The following EDN1 variants were observed in gnomAD, a reference collection of about 807,000 sequenced individuals.
The protein encoded by EDN1 is endothelin 1.
In EDN1, 11 loss-of-function variants were observed where a neutral mutation model predicts 21.7. The observed-to-expected ratio is 0.51, with a 90% CI of 0.32 to 0.84. The LOEUF (loss-of-function observed/expected upper bound fraction) is 0.84, where lower values mean the gene tolerates loss of function less well. EDN1 is among the 40% of genes least tolerant of loss of function. The pLI, the probability that EDN1 is intolerant of heterozygous loss-of-function variation, is 0.03. For synonymous variants in EDN1, 85 were observed against 90.6 expected (o/e 0.94, Z 0.35); for missense variants, 244 against 262.3 (o/e 0.93, Z 0.48).
chr6:12,284,775 G>GAAAGAA, the EDN1 span, among the ~76,000 whole-genome samples: 1 of 151,694 alleles, frequency 6.6e-6, no homozygotes, highest in Non-Finnish European at 1.5e-5. Flanking sequence ...AAGAAAGAAA[G>GAAAGAA]AAAGAAAGAA....
the EDN1 span, among the ~76,000 whole-genome samples, chr6:12,280,383 T>C: frequency 6.6e-6 from 1 of 152,356 alleles, no homozygotes; most frequent in Non-Finnish European, 1.5e-5. Context: ...TAGTAGCATA[T>C]TCTTTTGTTA....
chr6:12,239,408 G>A, the EDN1 span, among the ~76,000 whole-genome samples: 301 of 152,180 alleles, frequency 2.0e-3, 1 homozygote, highest in Admixed American at 4.3e-3. Flanking sequence ...TTTCTTGACC[G>A]CCTTCCAGCA....
chr6:12,272,452 CTTT>C, the EDN1 span, among the ~76,000 whole-genome samples: 441 of 106,812 alleles, frequency 4.1e-3, no homozygotes, highest in South Asian at 7.2e-3. Context: ...GAGTCATACT[CTTT>C]TTTTTTTTTT....
chr6:12,248,590 T>G, the EDN1 span, among the ~76,000 whole-genome samples: 1 of 152,212 alleles, frequency 6.6e-6, no homozygotes, highest in Non-Finnish European at 1.5e-5. Context: ...CTCCACTGAA[T>G]GACAAGTCAA....
the EDN1 span, among the ~76,000 whole-genome samples, chr6:12,262,009 C>G: frequency 6.6e-6 from 1 of 151,992 alleles, no homozygotes; most frequent in East Asian, 1.9e-4. Context: ...TGGGACAGAA[C>G]TGGCAGCCCC....
upstream of EDN1, among the ~76,000 whole-genome samples, chr6:12,288,336 T>C (rs1762599390): frequency 6.6e-6 from 1 of 152,030 alleles, no homozygotes; most frequent in Non-Finnish European, 1.5e-5. Flanking sequence ...GCTTGGAACC[T>C]GTGAATGTGA....
At chr6:12,291,844 C>T (rs1229199399) in intron 1 of EDN1, among the ~76,000 whole-genome samples, 1 of 152,240 alleles carries the variant, frequency 6.6e-6, no homozygotes, top group Non-Finnish European at 1.5e-5. Context: ...CTGTGCCCTA[C>T]ACAGCATGTG....
the EDN1 span, among the ~76,000 whole-genome samples, chr6:12,232,419 C>T: frequency 6.6e-6 from 1 of 151,556 alleles, no homozygotes; most frequent in Admixed American, 6.6e-5. Flanking sequence ...CATATGATTC[C>T]CAGATGACAT....
the EDN1 span, among the ~76,000 whole-genome samples, chr6:12,238,032 G>A: frequency 6.6e-6 from 1 of 151,980 alleles, no homozygotes; most frequent in East Asian, 1.9e-4. Context: ...TATTTGTCAG[G>A]CCTGTGGCAG....
chr6:12,262,873 A>AAC, the EDN1 span, among the ~76,000 whole-genome samples: 1 of 141,258 alleles, frequency 7.1e-6, no homozygotes, highest in Non-Finnish European at 1.6e-5. Flanking sequence ...ACCCTGTTTA[A>AAC]AAAAAAAAAA....
At chr6:12,257,277 T>C in the EDN1 span, among the ~76,000 whole-genome samples, 1 of 152,220 alleles carries the variant, frequency 6.6e-6, no homozygotes, top group Admixed American at 6.5e-5. Context: ...ATCTCTTCTT[T>C]GTATGCATTT....
upstream of EDN1, among the ~76,000 whole-genome samples, chr6:12,288,166 G>T (rs1762595361): frequency 6.6e-6 from 1 of 152,036 alleles, no homozygotes; most frequent in Non-Finnish European, 1.5e-5. Flanking sequence ...CATGGGCGGT[G>T]GTTTCCGGGT....
chr6:12,231,456 A>G, the EDN1 span, among the ~76,000 whole-genome samples: 1 of 152,226 alleles, frequency 6.6e-6, no homozygotes, highest in South Asian at 2.1e-4. Flanking sequence ...TGTTTTTCCC[A>G]TATGCATTTG....
At chr6:12,291,227 C>A (rs548079459) in intron 1 of EDN1, among the ~76,000 whole-genome samples, 11 of 105,514 alleles carry the variant, frequency 1.0e-4, no homozygotes, top group South Asian at 6.8e-4. Context: ...TCCCCCCCCC[C>A]CCGCCACCAC....
chr6:12,243,125 G>GTATGTTA, the EDN1 span, among the ~76,000 whole-genome samples: 1 of 151,996 alleles, frequency 6.6e-6, no homozygotes, highest in Admixed American at 6.6e-5. Context: ...CACCCATTTT[G>GTATGTTA]TATGTTATAT....
chr6:12,296,065 T>A lies in EDN1; in HGVS notation c.637T>A (p.Ter213ArgextTer10), dbSNP rs769642311. Residue 213 changes from the stop codon to arginine (R), a stop_lost, in exon 5 of 5, where the codon TGA (stop) becomes AGA (arginine). Transcript: ENST00000379375. ...RYVTHNRAHW* is the reference protein window; with the variant it reads ...RYVTHNRAHWR Reference sequence around the variant, plus strand: ...TGTGACCCACAACCGAGCACATTGGTGACAGACCTTCGGGGCCTGTCTGAA... The same window carrying A: ...TGTGACCCACAACCGAGCACATTGGAGACAGACCTTCGGGGCCTGTCTGAA... 1.3e-5 allele frequency: 21 copies of A among 1,613,806 alleles called. No homozygotes were observed. The South Asian group carries it at 2.3e-4, about 18-fold the overall frequency.
the EDN1 span, among the ~76,000 whole-genome samples, chr6:12,264,643 A>C: frequency 1.3e-5 from 2 of 152,136 alleles, no homozygotes; most frequent in African/African-American, 4.8e-5. Context: ...AAAAAAACTC[A>C]ATGTTTTAAG....
chr6:12,270,439 G>A, the EDN1 span, among the ~76,000 whole-genome samples: 9 of 151,844 alleles, frequency 5.9e-5, no homozygotes, highest in African/African-American at 1.2e-4. Flanking sequence ...TCTTAGAATT[G>A]TTTTTGCTGT....
chr6:12,286,454 A>G (rs927166279), upstream of EDN1, among the ~76,000 whole-genome samples: 2 of 152,242 alleles, frequency 1.3e-5, no homozygotes, highest in Non-Finnish European at 2.9e-5. Flanking sequence ...GTAGAAATGT[A>G]TAATAGTTAC....
Sources: gnomAD v4.1 joint callset for allele counts (sites outside exome capture counted in the v4.1 genomes callset) on GRCh38, gnomAD v4.1.1 for gene constraint, MANE v1.5 for transcripts, NCBI Gene and HGNC (gene_info 2026-07-23, HGNC 2026-07-21) for gene names.